The following FGGY variants were observed in gnomAD, a reference collection of about 807,000 sequenced individuals.
FGGY encodes FGGY carbohydrate kinase domain-containing protein.
FGGY carries 72 observed loss-of-function variants against 71.3 expected under a neutral mutation model. The observed-to-expected ratio is 1.01, with a 90% CI of 0.84 to 1.23. FGGY has a LOEUF of 1.23. FGGY is among the 50% of genes most tolerant of loss of function. The pLI, the probability that FGGY is intolerant of heterozygous loss-of-function variation, is 0.00. For synonymous variants in FGGY, 251 were observed against 250.3 expected, an observed-to-expected ratio of 1.00 and a Z score of -0.02; for missense variants, 668 against 682.3, an observed-to-expected ratio of 0.98 and a Z score of 0.23.
At chr1:59,760,601 G>A (rs1215452082) in intron 15 of FGGY, among the ~76,000 whole-genome samples, 3 of 152,178 alleles carry the variant, frequency 2.0e-5, no homozygotes, top group East Asian at 3.8e-4. Flanking sequence ...ATACAATGGA[G>A]TATTATTCAG....
intron 5 of FGGY, among the ~76,000 whole-genome samples, chr1:59,401,337 T>C (rs2061942182): frequency 2.0e-5 from 3 of 152,220 alleles, no homozygotes; most frequent in Admixed American, 2.0e-4. Flanking sequence ...AAGTGAATAT[T>C]ATGTTATTAA....
intron 1 of FGGY, among the ~76,000 whole-genome samples, chr1:59,319,899 A>C (rs545111701): frequency 1.3e-5 from 2 of 152,288 alleles, no homozygotes; most frequent in South Asian, 4.1e-4. Context: ...GGGTGGGGCA[A>C]GGGCGATCTT....
chr1:59,457,698 A>G (rs952461956), intron 6 of FGGY, among the ~76,000 whole-genome samples: 4 of 152,218 alleles, frequency 2.6e-5, no homozygotes, highest in African/African-American at 9.6e-5. Flanking sequence ...GGGGCTGTGT[A>G]TGGACTGCTT....
At chr1:59,632,385 C>A (rs1335028989) in intron 10 of FGGY, among the ~76,000 whole-genome samples, 1 of 152,012 alleles carries the variant, frequency 6.6e-6, no homozygotes, top group African/African-American at 2.4e-5. Context: ...TTCCTACTTT[C>A]CCTGAATTTT....
chr1:59,706,880 G>T (rs951999826), intron 14 of FGGY, among the ~76,000 whole-genome samples: 1 of 152,198 alleles, frequency 6.6e-6, no homozygotes, highest in African/African-American at 2.4e-5. Flanking sequence ...TTCATAGAAA[G>T]TGCTTAATAA....
chr1:59,666,020 C>T (rs2097322243), intron 12 of FGGY, among the ~76,000 whole-genome samples: 1 of 152,176 alleles, frequency 6.6e-6, no homozygotes, highest in Non-Finnish European at 1.5e-5. Flanking sequence ...TTCTTGCCCT[C>T]AGCTAAAACA....
intron 8 of FGGY, among the ~76,000 whole-genome samples, chr1:59,574,761 G>C (rs974624382): frequency 6.6e-6 from 1 of 152,032 alleles, no homozygotes; most frequent in South Asian, 2.1e-4. Context: ...TTCTGGAATA[G>C]AGAAATATAT....
chr1:59,398,116 C>T (rs1271824832), intron 5 of FGGY, among the ~76,000 whole-genome samples: 1 of 152,162 alleles, frequency 6.6e-6, no homozygotes, highest in Non-Finnish European at 1.5e-5. Context: ...TGTGAGGCCT[C>T]AACTTACATG....
At chr1:59,507,888 G>T (rs996404671) in intron 6 of FGGY, among the ~76,000 whole-genome samples, 1 of 151,950 alleles carries the variant, frequency 6.6e-6, no homozygotes, top group African/African-American at 2.4e-5. Flanking sequence ...GCCCCTCTGG[G>T]CAATTCCTTT....
chr1:59,413,687 G>A (rs1305814814), intron 5 of FGGY, among the ~76,000 whole-genome samples: 4 of 152,110 alleles, frequency 2.6e-5, no homozygotes, highest in South Asian at 4.1e-4. Flanking sequence ...CCAGATTTGG[G>A]GCCAGACACA....
chr1:59,447,212 A>G (rs1409150760), intron 5 of FGGY, among the ~76,000 whole-genome samples: 1 of 152,188 alleles, frequency 6.6e-6, no homozygotes, highest in East Asian at 1.9e-4. Flanking sequence ...CTTTACTTAT[A>G]TTAGCTTTAC....
chr1:59,625,162 A>G (rs1254752272), intron 9 of FGGY, among the ~76,000 whole-genome samples: 1 of 152,226 alleles, frequency 6.6e-6, no homozygotes, highest in Non-Finnish European at 1.5e-5. Context: ...TAGAAACTCA[A>G]GTAAACATTC....
intron 1 of FGGY, among the ~76,000 whole-genome samples, chr1:59,307,256 A>G (rs141196136): frequency 0.011 from 1,661 of 150,446 alleles, 17 homozygotes; most frequent in African/African-American, 0.029. Flanking sequence ...CGAGGCCACA[A>G]TGAGCTATAA....
At position 59,353,579 on chromosome 1, in the gene FGGY, A is replaced by G. The variant is rs375742843; in HGVS notation, c.465+7181A>G. Reference sequence around the variant, plus strand: ...CAGCCAACTTCGAGCTGTAAAGCTGATTAACTTACTTGAGTACCTTCTACT... The same window carrying G: ...CAGCCAACTTCGAGCTGTAAAGCTGGTTAACTTACTTGAGTACCTTCTACT... On this transcript the variant is annotated intron_variant, in intron 4 of 15. Transcript: ENST00000303721. Among the ~76,000 whole-genome samples, 5 of 152,314 alleles carry G rather than the reference A, an allele frequency of 3.3e-5. No individual in the cohort carries two copies. In the East Asian group the frequency reaches 9.6e-4, roughly 29 times the overall value.
chr1:59,425,107 C>A (rs2066119296), intron 5 of FGGY, among the ~76,000 whole-genome samples: 1 of 152,044 alleles, frequency 6.6e-6, no homozygotes, highest in African/African-American at 2.4e-5. Flanking sequence ...TGCTTGTGAG[C>A]CGTAAAAGCG....
At position 59,467,915 on chromosome 1, in the gene FGGY, T is replaced by TG. The variant is rs200029698; in HGVS notation, c.670+10839_670+10840insG. ...TTTTTTGTTTTGTTTTGTTTTGTTT[T>TG]TTTTTGAGATGTAGTTTCTCTCTTG... On this transcript the variant is annotated intron_variant, in intron 6 of 15. Transcript: ENST00000303721. 6.0e-3 allele frequency among the ~76,000 whole-genome samples: 920 copies of TG among 152,104 alleles called. 5 individuals are homozygous for TG. The highest frequency in any genetic ancestry group is 0.034 in the East Asian group (178 of 5,176).
At chr1:59,601,713 G>A (rs761723148) in intron 8 of FGGY, among the ~76,000 whole-genome samples, 2 of 152,158 alleles carry the variant, frequency 1.3e-5, no homozygotes, top group African/African-American at 2.4e-5. Context: ...TCGGGAGGAC[G>A]GAGACTACAT....
intron 6 of FGGY, among the ~76,000 whole-genome samples, chr1:59,507,702 T>TA (rs1288647065): frequency 6.8e-6 from 1 of 146,352 alleles, no homozygotes; most frequent in African/African-American, 2.6e-5. Flanking sequence ...TTTTTTTTTT[T>TA]TTTTTGTATT....
intron 5 of FGGY, among the ~76,000 whole-genome samples, chr1:59,418,586 A>T (rs1352951062): frequency 6.6e-6 from 1 of 152,230 alleles, no homozygotes; most frequent in East Asian, 1.9e-4. Context: ...CACAGTTTAC[A>T]TGTGAAAAGA....
Sources: gnomAD v4.1 joint callset for allele counts (sites outside exome capture counted in the v4.1 genomes callset) on GRCh38, gnomAD v4.1.1 for gene constraint, MANE v1.5 for transcripts, NCBI Gene and HGNC (gene_info 2026-07-23, HGNC 2026-07-21) for gene names.